Variants in TGFBRAP1 observed in about 807,000 individuals in gnomAD.
TGFBRAP1 encodes transforming growth factor-beta receptor-associated protein 1.
In TGFBRAP1, 20 loss-of-function variants were observed where a neutral mutation model predicts 83.2. The ratio of observed to expected loss-of-function variants is 0.24; its 90% CI spans 0.17 to 0.35. The LOEUF (loss-of-function observed/expected upper bound fraction) is 0.35. TGFBRAP1 is among the 10% of genes least tolerant of loss of function. The pLI is 1.00. For missense variants in TGFBRAP1, 950 were observed against 1,099.4 expected (o/e 0.86, Z 1.92); for synonymous variants, 415 against 459.8 (o/e 0.90, Z 1.25).
intron 10 of TGFBRAP1, among the ~76,000 whole-genome samples, chr2:105,272,027 T>A (rs998618012): frequency 7.2e-5 from 11 of 152,234 alleles, no homozygotes; most frequent in Admixed American, 7.2e-4. Context: ...AAGGTTGTGA[T>A]GTGCTTTATG....
intron 1 of TGFBRAP1, among the ~76,000 whole-genome samples, chr2:105,320,916 G>A (rs994110009): frequency 2.6e-5 from 4 of 152,108 alleles, no homozygotes; most frequent in Non-Finnish European, 4.4e-5. Flanking sequence ...ATTTAACAAC[G>A]TAATAATCCC....
At chr2:105,313,564 CTTTAT>C (rs1386865630) in intron 1 of TGFBRAP1, among the ~76,000 whole-genome samples, 1 of 152,154 alleles carries the variant, frequency 6.6e-6, no homozygotes, top group Non-Finnish European at 1.5e-5. Context: ...CATATCCTTA[CTTTAT>C]TTTATGAAAG....
rs1315896379 is a variant in TGFBRAP1, at chr2:105,266,145, G to A, written c.*1238C>T. The A allele has an allele frequency of 1.3e-5, 2 of 152,236 alleles. No individual in the cohort carries two copies. Among genetic ancestry groups the A allele is most frequent in the African/African-American group, 4.8e-5 (2 of 41,448 alleles). The allele number at this position is 152,236 out of a possible 1,614,324, so 9.4% of individuals were successfully genotyped here. Reference sequence around the variant, plus strand: ...ATACAGAAACACAAAAGGAATCCCCGGCCTGTGATGAAGGAGAGGCCGTTG... The same window carrying A: ...ATACAGAAACACAAAAGGAATCCCCAGCCTGTGATGAAGGAGAGGCCGTTG... On this transcript the variant is annotated 3_prime_UTR_variant, in exon 12 of 12. Transcript: ENST00000393359.
intron 10 of TGFBRAP1, 107 bp downstream of exon 10, chr2:105,272,748 C>T: frequency 7.1e-7 from 1 of 1,412,106 alleles, no homozygotes; most frequent in East Asian, 2.3e-5. Flanking sequence ...CAAAGAATCA[C>T]CCTGTGCAAT....
intron 4 of TGFBRAP1, among the ~76,000 whole-genome samples, chr2:105,290,194 G>A (rs934694766): frequency 3.9e-5 from 6 of 152,152 alleles, no homozygotes; most frequent in Non-Finnish European, 5.9e-5. Flanking sequence ...AGCCTCCTGC[G>A]TAGCTGGAAT....
intron 4 of TGFBRAP1, among the ~76,000 whole-genome samples, chr2:105,288,175 G>A (rs989111562): frequency 6.6e-6 from 1 of 152,170 alleles, no homozygotes; most frequent in Non-Finnish European, 1.5e-5. Flanking sequence ...TGAGAAAGAT[G>A]ACAACCACAA....
chr2:105,307,560 C>T (rs67600221), intron 2 of TGFBRAP1, 54 bp downstream of exon 2: 313,356 of 1,522,616 alleles, frequency 0.21, 34,650 homozygotes, highest in Admixed American at 0.24. Flanking sequence ...AGTTTCAACA[C>T]GCAGTCACCG....
At chr2:105,312,617 G>A (rs970770729) in intron 1 of TGFBRAP1, among the ~76,000 whole-genome samples, 3 of 152,140 alleles carry the variant, frequency 2.0e-5, no homozygotes, top group Non-Finnish European at 2.9e-5. Flanking sequence ...TACATGCTAA[G>A]GGTCAAAATA....
At chr2:105,271,266 A>ACACT (rs1473046144) in intron 10 of TGFBRAP1, among the ~76,000 whole-genome samples, 2 of 152,258 alleles carry the variant, frequency 1.3e-5, no homozygotes, top group Non-Finnish European at 2.9e-5. Context: ...GCACAGTGAC[A>ACACT]CACTCTACAT....
the TGFBRAP1 span, among the ~76,000 whole-genome samples, chr2:105,254,821 C>G: frequency 6.6e-6 from 1 of 152,060 alleles, no homozygotes; most frequent in East Asian, 1.9e-4. Context: ...AGGGTGAGGC[C>G]CCCATGATGA....
chr2:105,278,649 C>A, intron 6 of TGFBRAP1, among the ~76,000 whole-genome samples: 1 of 152,192 alleles, frequency 6.6e-6, no homozygotes, highest in East Asian at 1.9e-4. Context: ...AGCACCCTCC[C>A]AAAGTCTGCA....
downstream of TGFBRAP1, among the ~76,000 whole-genome samples, chr2:105,260,629 T>C (rs1177713433): frequency 6.6e-6 from 1 of 151,964 alleles, no homozygotes; most frequent in East Asian, 1.9e-4. Flanking sequence ...GGGGACAGGG[T>C]TTCTGTTCGG....
At chr2:105,311,870 T>C (rs1678705865) in intron 1 of TGFBRAP1, among the ~76,000 whole-genome samples, 1 of 151,330 alleles carries the variant, frequency 6.6e-6, no homozygotes, top group Non-Finnish European at 1.5e-5. Flanking sequence ...ATCGTACCAC[T>C]GCACTCCAGC....
At chr2:105,327,392 CT>C (rs1469790283) in intron 1 of TGFBRAP1, 2 of 152,002 alleles carry the variant, frequency 1.3e-5, no homozygotes, top group African/African-American at 2.4e-5. Flanking sequence ...AGGGAGACCC[CT>C]ATCTCTACAA....
At chr2:105,281,793 A>G (rs1677547038) in intron 5 of TGFBRAP1, among the ~76,000 whole-genome samples, 1 of 152,070 alleles carries the variant, frequency 6.6e-6, no homozygotes, top group African/African-American at 2.4e-5. Flanking sequence ...TTCCTGGCCT[A>G]AAGCAGTGGT....
At chr2:105,251,554 G>A in the TGFBRAP1 span, among the ~76,000 whole-genome samples, 1 of 151,192 alleles carries the variant, frequency 6.6e-6, no homozygotes, top group Non-Finnish European at 1.5e-5. Context: ...CAGCCACCCC[G>A]TCTGGGAGGT....
In TGFBRAP1 at chr2:105,280,632, G is replaced by C; in HGVS notation, c.1213C>G (p.His405Asp). ...AGCTGGTTCAGGTCTGCGTACTCAT[G>C]AAGAGGAGGGTGGGACCGGGTGAAG... ...SSFTRSHPPL[H>D]EYADLNQLTQ... The change falls in exon 6 of 12, where the codon CAT becomes GAT. Residue 405 changes from histidine to aspartate, a missense_variant. Physicochemically the swap from His to Asp is moderately conservative, Grantham distance 81. Coordinates refer to ENST00000393359, the MANE Select transcript of TGFBRAP1 (RefSeq NM_004257.6). The C allele has an allele frequency of 6.2e-7, 1 of 1,614,176 alleles. No individual in the cohort carries two copies. Among genetic ancestry groups the C allele is most frequent in the East Asian group, 2.2e-5 (1 of 44,878 alleles).
At chr2:105,316,920 TG>T (rs1203601552) in intron 1 of TGFBRAP1, among the ~76,000 whole-genome samples, 1 of 151,352 alleles carries the variant, frequency 6.6e-6, no homozygotes, top group African/African-American at 2.4e-5. Context: ...TCAAAAACCG[TG>T]GTAATTAAGA....
downstream of TGFBRAP1, among the ~76,000 whole-genome samples, chr2:105,259,434 G>T (rs1676739686): frequency 6.6e-6 from 1 of 152,138 alleles, no homozygotes; most frequent in South Asian, 2.1e-4. Flanking sequence ...AGCTTCAGCA[G>T]CTCTCTGCAC....
Sources: allele counts gnomAD v4.1 joint callset (sites outside exome capture counted in the v4.1 genomes callset), GRCh38; gene constraint gnomAD v4.1.1; transcripts MANE v1.5; gene names NCBI Gene and HGNC (gene_info 2026-07-23, HGNC 2026-07-21).